CLASP1: variants seen among roughly 807,000 people sequenced by gnomAD.
CLASP1 encodes cytoplasmic linker associated protein 1, also known as CLIP-associating protein 1.
A neutral mutation model predicts 192.3 loss-of-function variants in CLASP1; 38 were observed. The ratio of observed to expected loss-of-function variants is 0.20; its 90% CI spans 0.15 to 0.26. The LOEUF (loss-of-function observed/expected upper bound fraction) is 0.26, where lower values mean the gene tolerates loss of function less well. Ranked by LOEUF, CLASP1 falls within the 10% of genes least tolerant of loss-of-function variation. The pLI is 1.00. For missense variants in CLASP1, 1,433 were observed against 1,932.5 expected, an observed-to-expected ratio of 0.74 and a Z score of 4.85; for synonymous variants, 691 against 712.8, an observed-to-expected ratio of 0.97 and a Z score of 0.49.
At chr2:121,404,432 C>G in exon 26 of CLASP1, 1 of 1,608,962 alleles carries the variant, frequency 6.2e-7, no homozygotes, top group Non-Finnish European at 8.5e-7. Context: ...CAGTTCAACT[C>G]GACTAGAAGA....
intron 8 of CLASP1, among the ~76,000 whole-genome samples, chr2:121,481,107 A>G (rs1258618122): frequency 6.6e-6 from 1 of 152,222 alleles, no homozygotes; most frequent in Non-Finnish European, 1.5e-5. Flanking sequence ...ACTATATCAA[A>G]GGGATGTAAT....
intron 23 of CLASP1, among the ~76,000 whole-genome samples, chr2:121,417,695 A>C (rs1026724931): frequency 1.8e-4 from 28 of 152,244 alleles, no homozygotes; most frequent in Non-Finnish European, 3.8e-4. Flanking sequence ...GGTCATAAAG[A>C]AATACATCTA....
intron 1 of CLASP1, among the ~76,000 whole-genome samples, chr2:121,638,423 C>T (rs1294828673): frequency 3.9e-5 from 6 of 152,040 alleles, no homozygotes; most frequent in Non-Finnish European, 5.9e-5. Context: ...AGCAATTGTT[C>T]CAGAAAGTTA....
At chr2:121,464,378 G>C (rs1187291453) in intron 9 of CLASP1, among the ~76,000 whole-genome samples, 3 of 152,080 alleles carry the variant, frequency 2.0e-5, no homozygotes, top group Admixed American at 6.5e-5. Flanking sequence ...GGATGGCTGG[G>C]TCAAATGGTA....
intron 1 of CLASP1, among the ~76,000 whole-genome samples, chr2:121,616,136 T>A (rs1337280408): frequency 6.6e-6 from 1 of 152,082 alleles, no homozygotes; most frequent in Non-Finnish European, 1.5e-5. Flanking sequence ...CACCAGTTAA[T>A]CAATAACCAC....
At chr2:121,377,683 A>G in intron 33 of CLASP1, 34 bp from the exon 35 acceptor site, 1 of 1,461,976 alleles carries the variant, frequency 6.8e-7, no homozygotes, top group South Asian at 1.3e-5. Flanking sequence ...TCTTAAATCG[A>G]GGCATATACA....
intron 2 of CLASP1, chr2:121,531,037 T>TTCA (rs1559536276): frequency 2.9e-6 from 2 of 699,552 alleles, no homozygotes; most frequent in Admixed American, 4.0e-5. Context: ...GACTTATCAG[T>TTCA]TCAAACAGCA....
chr2:121,377,791 G>A (rs1313864755), intron 33 of CLASP1, 142 bp from the exon 35 acceptor site: 23 of 589,452 alleles, frequency 3.9e-5, no homozygotes, highest in East Asian at 2.4e-4. Flanking sequence ...AAAAGGAGAC[G>A]TCTTTTGTTA....
intron 25 of CLASP1, among the ~76,000 whole-genome samples, chr2:121,405,120 C>A (rs1348837964): frequency 2.6e-5 from 4 of 151,988 alleles, no homozygotes; most frequent in African/African-American, 9.7e-5. Context: ...ACCAGCCTGG[C>A]CAATGTGGTG....
rs1460411533 is a variant in CLASP1 at position 121,528,022 on chromosome 2, CT to C, written c.379-133del. On this transcript the variant is annotated intron_variant, in intron 4 of 39. Coordinates refer to ENST00000263710, the Ensembl canonical transcript of CLASP1. ...ATCCTCTACCAACACATTTAATCCTCTCGAGAGCATACTGGAAAATGATGAC... is the reference window on the plus strand; with the variant it reads ...ATCCTCTACCAACACATTTAATCCTCCGAGAGCATACTGGAAAATGATGAC... The C allele has an allele frequency of 1.5e-5, 9 of 620,334 alleles. No individual in the cohort carries two copies. In the Admixed American group the frequency reaches 2.4e-4, roughly 17 times the overall value. 38.4% of individuals were successfully genotyped at this position (620,334 alleles called of 1,614,324 possible).
chr2:121,544,808 AAG>A (rs2095298436), intron 2 of CLASP1, among the ~76,000 whole-genome samples: 1 of 152,208 alleles, frequency 6.6e-6, no homozygotes, highest in South Asian at 2.1e-4. Flanking sequence ...GCCAACTCAA[AAG>A]AGAGGTGAAG....
chr2:121,343,885 A>C (rs766409418), intron 39 of CLASP1, among the ~76,000 whole-genome samples: 3 of 152,168 alleles, frequency 2.0e-5, no homozygotes, highest in Non-Finnish European at 2.9e-5. Context: ...AGCCTGACCA[A>C]CATGGTGAAA....
At chr2:121,393,509 T>A (rs1343063632) in intron 30 of CLASP1, among the ~76,000 whole-genome samples, 4 of 152,224 alleles carry the variant, frequency 2.6e-5, no homozygotes, top group Non-Finnish European at 5.9e-5. Context: ...CAATTTTAGA[T>A]CTTAGAGTAG....
At chr2:121,640,532 G>A (rs1385569192) in intron 1 of CLASP1, among the ~76,000 whole-genome samples, 3 of 152,162 alleles carry the variant, frequency 2.0e-5, no homozygotes, top group Non-Finnish European at 4.4e-5. Flanking sequence ...ACAGTCACCT[G>A]ATCTAATCCT....
intron 2 of CLASP1, among the ~76,000 whole-genome samples, chr2:121,574,184 T>C (rs1025404115): frequency 6.6e-5 from 10 of 152,034 alleles, no homozygotes; most frequent in Admixed American, 3.9e-4. Context: ...AAAAATTAGC[T>C]GGGTGTGTTG....
At chr2:121,387,589 T>G (rs182651660) in intron 31 of CLASP1, among the ~76,000 whole-genome samples, 174 bp downstream of exon 32, 156 of 152,308 alleles carry the variant, frequency 1.0e-3, no homozygotes, top group African/African-American at 3.5e-3. Context: ...ACGGCATACT[T>G]AAATATCAGA....
At chr2:121,485,850 G>A (rs1481326911) in intron 8 of CLASP1, among the ~76,000 whole-genome samples, 1 of 152,200 alleles carries the variant, frequency 6.6e-6, no homozygotes, top group Non-Finnish European at 1.5e-5. Flanking sequence ...CACTGGGCAG[G>A]CTGCTCGTAA....
chr2:121,386,512 T>C (rs550120179), intron 32 of CLASP1, among the ~76,000 whole-genome samples: 61 of 152,314 alleles, frequency 4.0e-4, no homozygotes, highest in African/African-American at 1.4e-3. Context: ...GATGGTGAAG[T>C]ATTATCTAAA....
intron 2 of CLASP1, among the ~76,000 whole-genome samples, chr2:121,588,197 A>AG (rs1465105305): frequency 6.8e-6 from 1 of 146,748 alleles, no homozygotes; most frequent in Non-Finnish European, 1.5e-5. Context: ...AAAAAAAAAA[A>AG]GCTGAACTTC....
Sources: gnomAD v4.1 joint callset for allele counts (sites outside exome capture counted in the v4.1 genomes callset) on GRCh38, gnomAD v4.1.1 for gene constraint, MANE v1.5 for transcripts, NCBI Gene and HGNC (gene_info 2026-07-23, HGNC 2026-07-21) for gene names.